The following RBBP8 variants were observed in gnomAD, a reference collection of about 807,000 sequenced individuals.
The protein encoded by RBBP8 is RB binding protein 8, endonuclease.
In RBBP8, 88 loss-of-function variants were observed where a neutral mutation model predicts 108.3. The observed-to-expected ratio is 0.81, with a 90% CI of 0.68 to 0.97. The LOEUF (loss-of-function observed/expected upper bound fraction) is 0.97. Ranked by LOEUF, RBBP8 falls within the 50% of genes least tolerant of loss-of-function variation. The pLI is 0.00. For missense variants in RBBP8, 1,023 were observed against 1,049.0 expected (o/e 0.98, Z 0.34); for synonymous variants, 332 against 348.2 (o/e 0.95, Z 0.52).
intron 2 of RBBP8, among the ~76,000 whole-genome samples, chr18:22,945,686 TTAAA>T (rs1911503143): frequency 6.6e-6 from 1 of 152,214 alleles, no homozygotes; most frequent in South Asian, 2.1e-4. Context: ...GCCCAGCCGA[TTAAA>T]TAACATTTTT....
Position 22,993,502 on chromosome 18 carries a change from A to T in RBBP8, c.1675A>T (p.Ile559Phe). ...SPGEPCSQEC[I>F]ILQPLNKCSP... ...AGGGGAGCCCTGTTCACAGGAATGC[A>T]TCATCCTTCAGCCCTTGAATAAATG... The change falls in exon 11 of 19, where the codon ATC becomes TTC. Residue 559 changes from isoleucine (I) to phenylalanine (F), a missense_variant. Ile to Phe is a conservative substitution (Grantham distance 21, BLOSUM62 0). Coordinates refer to ENST00000327155, the MANE Select transcript of RBBP8 (RefSeq NM_002894.3). 1 of 1,613,878 alleles carries T rather than the reference A, an allele frequency of 6.2e-7. No homozygotes were observed. Among genetic ancestry groups the T allele is most frequent in the Non-Finnish European group, 8.5e-7 (1 of 1,179,948 alleles).
chr18:23,012,895 G>T lies in RBBP8; in HGVS notation c.2358-3933G>T, dbSNP rs1598744006. On this transcript the variant is annotated intron_variant, in intron 16 of 18. Transcript: ENST00000327155. The stretch of plus-strand genomic sequence containing the variant: ...CAGGTTGACTCTTGTTTGGGTTAAT[G>T]CGCTGGTGACTTCAAGTTGAAGCCA... Among the ~76,000 whole-genome samples, 3 of 152,244 alleles carry T rather than the reference G, an allele frequency of 2.0e-5. No individual in the cohort carries two copies. The South Asian group carries it at 6.2e-4, about 32-fold the overall frequency.
rs1307673058 is a variant in RBBP8, at chr18:22,968,906, A to G, written c.349A>G (p.Ile117Val). The G allele has an allele frequency of 2.5e-6, 4 of 1,609,042 alleles. No homozygotes were observed. In the South Asian group the frequency reaches 4.4e-5, roughly 18 times the overall value. ...TATCCGGCAGCAGAATCTTAAACTT[A>G]TTACAGAACTTAGTGAGTTTCCTTT... Reference protein sequence around the residue: ...ENIRQQNLKLITELMNERNTL... With the variant: ...ENIRQQNLKLVTELMNERNTL... Residue 117 changes from isoleucine to valine, a missense_variant, in exon 5 of 19, where the codon ATT becomes GTT. Physicochemically the swap from Ile to Val is conservative, Grantham distance 29. Coordinates refer to ENST00000327155, the MANE Select transcript of RBBP8 (RefSeq NM_002894.3).
At chr18:22,960,901 A>G (rs1567961877) in intron 4 of RBBP8, among the ~76,000 whole-genome samples, 1 of 152,228 alleles carries the variant, frequency 6.6e-6, no homozygotes, top group Non-Finnish European at 1.5e-5. Flanking sequence ...GTTCTAAAAG[A>G]TGAGTTGTTG....
In RBBP8 at chr18:23,022,275, G is replaced by C. The variant is rs372828231; in HGVS notation, c.2596+5G>C. The C allele has an allele frequency of 1.9e-6, 3 of 1,604,096 alleles. No individual in the cohort carries two copies. Among genetic ancestry groups the C allele is most frequent in the African/African-American group, 2.7e-5 (2 of 74,636 alleles). ...CTCAGACTTGTATGGAAAGAGGTGAGAGTATAGATTGTAACATTTTATAAT... is the reference window on the plus strand; with the variant it reads ...CTCAGACTTGTATGGAAAGAGGTGACAGTATAGATTGTAACATTTTATAAT... On this transcript the variant is annotated splice_donor_5th_base_variant and intron_variant, in intron 18 of 18. Coordinates refer to ENST00000327155, the MANE Select transcript of RBBP8 (RefSeq NM_002894.3).
chr18:23,022,643 A>AAATAAAATAAAT (rs1203840744), intron 18 of RBBP8, among the ~76,000 whole-genome samples: 1 of 57,594 alleles, frequency 1.7e-5, no homozygotes. Flanking sequence ...AAAATAAATA[A>AAATAAAATAAAT]AATACAATAT....
chr18:23,007,342 T>A (rs1012288453), intron 16 of RBBP8, among the ~76,000 whole-genome samples: 6 of 152,068 alleles, frequency 3.9e-5, no homozygotes, highest in East Asian at 1.9e-4. Flanking sequence ...TTATTTTTTT[T>A]AAATGTCTTT....
chr18:22,951,709 T>G (rs1349440245), intron 4 of RBBP8, among the ~76,000 whole-genome samples: 1 of 152,242 alleles, frequency 6.6e-6, no homozygotes, highest in Non-Finnish European at 1.5e-5. Context: ...CCAGGTTGTT[T>G]ACCCATGCTT....
At position 23,001,610 on chromosome 18, in the gene RBBP8, G is replaced by C; in HGVS notation, c.2168G>C (p.Ser723Thr). 3 of 1,614,080 alleles carry C rather than the reference G, an allele frequency of 1.9e-6. No homozygotes were observed. The highest frequency in any genetic ancestry group is 2.2e-5 in the East Asian group (1 of 44,852). The change falls in exon 15 of 19, where the codon AGC becomes ACC. Residue 723 changes from serine (S) to threonine (T), a missense_variant. Transcript: ENST00000327155. ...GATGAAGAAAGAAAAATGAATGATA[G>C]CTTGGAAGATATGTTTGATCGGACA... ...SSNEERKMND[S>T]LEDMFDRTTH...
rs1342184076 is a variant in RBBP8, at chr18:23,001,632, GA to G, written c.2191del (p.Thr731GlnfsTer170). 2 of 1,613,958 alleles carry G rather than the reference GA, an allele frequency of 1.2e-6. No homozygotes were observed. The highest frequency in any genetic ancestry group is 1.7e-6 in the Non-Finnish European group (2 of 1,180,008). Reference sequence around the variant, plus strand: ...ATAGCTTGGAAGATATGTTTGATCGGACAACACATGAAGAGTATGAATCCTG... The same window carrying G: ...ATAGCTTGGAAGATATGTTTGATCGGCAACACATGAAGAGTATGAATCCTG... ...NDSLEDMFDR[T>X]THEEYESCLA... On this transcript the variant is annotated frameshift_variant, in exon 15 of 19. Coordinates refer to ENST00000327155, the MANE Select transcript of RBBP8 (RefSeq NM_002894.3). LOFTEE classifies it high-confidence loss of function.
At position 22,996,448 on chromosome 18, in the gene RBBP8, G is replaced by T. The variant is rs1266262732; in HGVS notation, c.2014G>T (p.Val672Leu). 3 of 1,613,482 alleles carry T rather than the reference G, an allele frequency of 1.9e-6. No homozygotes were observed. The East Asian group carries it at 6.7e-5, about 36-fold the overall frequency. The change falls in exon 13 of 19, where the codon GTA (valine) becomes TTA (leucine). Residue 672 changes from valine (V) to leucine (L), a missense_variant. Val to Leu is a conservative substitution (Grantham distance 32, BLOSUM62 1). Coordinates refer to ENST00000327155, the MANE Select transcript of RBBP8 (RefSeq NM_002894.3). Reference sequence around the variant, plus strand: ...TTCTCAGTATAAAATGGATGTTACTGTAATAGATACAAAGGTAAGTTAAAA... The same window carrying T: ...TTCTCAGTATAAAATGGATGTTACTTTAATAGATACAAAGGTAAGTTAAAA... Reference protein sequence around the residue: ...DLSQYKMDVTVIDTKDGSQSK... With the variant: ...DLSQYKMDVTLIDTKDGSQSK...
At chr18:22,994,113 C>T (rs1332703493) in intron 12 of RBBP8, among the ~76,000 whole-genome samples, 1 of 146,528 alleles carries the variant, frequency 6.8e-6, no homozygotes, top group South Asian at 2.1e-4. Context: ...CTCCGCCTCC[C>T]GGGTTCACAC....
upstream of RBBP8, among the ~76,000 whole-genome samples, chr18:22,931,042 C>A (rs1401378668): frequency 6.6e-6 from 1 of 152,204 alleles, no homozygotes; most frequent in African/African-American, 2.4e-5. Flanking sequence ...CACCCAAAGT[C>A]TGGCCCAAGA....
At chr18:22,953,696 C>T (rs1022150867) in intron 4 of RBBP8, among the ~76,000 whole-genome samples, 2 of 151,862 alleles carry the variant, frequency 1.3e-5, no homozygotes, top group African/African-American at 4.8e-5. Context: ...TGCCTCATCT[C>T]CTTCCCATTA....
At chr18:23,013,437 G>A (rs989247904) in intron 16 of RBBP8, among the ~76,000 whole-genome samples, 1 of 152,250 alleles carries the variant, frequency 6.6e-6, no homozygotes, top group Admixed American at 6.6e-5. Flanking sequence ...TACCAGCGCA[G>A]GTGAGCCCAC....
intron 6 of RBBP8, among the ~76,000 whole-genome samples, chr18:22,976,290 G>A (rs953333857): frequency 2.0e-5 from 3 of 152,210 alleles, no homozygotes; most frequent in East Asian, 3.9e-4. Context: ...GATGAGGAAA[G>A]GAACCTATGA....
chr18:22,965,315 G>A (rs1001909794), intron 4 of RBBP8, among the ~76,000 whole-genome samples: 1 of 152,026 alleles, frequency 6.6e-6, no homozygotes, highest in Non-Finnish European at 1.5e-5. Flanking sequence ...AAAGTAATTG[G>A]AAGCTCTGAG....
intron 1 of RBBP8, chr18:22,934,218 C>T (rs1910298981): frequency 6.6e-6 from 1 of 152,242 alleles, no homozygotes. Context: ...CCTCGAATAA[C>T]GGTTCATTGC....
At chr18:22,951,212 G>A (rs142386728) in intron 4 of RBBP8, among the ~76,000 whole-genome samples, 107 of 152,256 alleles carry the variant, frequency 7.0e-4, no homozygotes, top group Non-Finnish European at 1.2e-3. Context: ...GCTCTAGGGG[G>A]CTAGGGATGA....
Sources: allele counts gnomAD v4.1 joint callset (sites outside exome capture counted in the v4.1 genomes callset), GRCh38; gene constraint gnomAD v4.1.1; transcripts MANE v1.5; gene names NCBI Gene and HGNC (gene_info 2026-07-23, HGNC 2026-07-21).